Variants in TTC27 observed in about 807,000 individuals in gnomAD.
TTC27 encodes the protein tetratricopeptide repeat domain 27.
Under a neutral mutation model 115.9 loss-of-function variants are expected in TTC27, and 79 were observed. That is an observed-to-expected ratio of 0.68 (90% CI 0.57 to 0.82). The LOEUF is 0.82. TTC27 is among the 40% of genes least tolerant of loss of function. TTC27 has a pLI of 0.00. For synonymous variants in TTC27, 401 were observed against 356.0 expected, an observed-to-expected ratio of 1.13 and a Z score of -1.42; for missense variants, 1,054 against 993.1, an observed-to-expected ratio of 1.06 and a Z score of -0.82.
chr2:32,809,855 A>G (rs1249662844), intron 16 of TTC27, among the ~76,000 whole-genome samples: 2 of 152,234 alleles, frequency 1.3e-5, no homozygotes, highest in African/African-American at 2.4e-5. Flanking sequence ...GCAGTGGCTC[A>G]TGCCTGTAAT....
chr2:32,769,387 A>G (rs1669751783), intron 13 of TTC27, among the ~76,000 whole-genome samples: 2 of 152,246 alleles, frequency 1.3e-5, no homozygotes, highest in South Asian at 4.1e-4. Context: ...TCAGGAGAGT[A>G]AAGGGTGAGT....
At chr2:32,707,152 A>G (rs1667401590) in intron 10 of TTC27, among the ~76,000 whole-genome samples, 1 of 152,098 alleles carries the variant, frequency 6.6e-6, no homozygotes, top group Admixed American at 6.5e-5. Flanking sequence ...TCATTGTTTT[A>G]GTCTATTTTC....
chr2:32,665,617 A>C (rs1665743677), intron 6 of TTC27, among the ~76,000 whole-genome samples: 1 of 152,170 alleles, frequency 6.6e-6, no homozygotes, highest in Non-Finnish European at 1.5e-5. Context: ...AAACTGTGAC[A>C]GGTGCTGTGA....
chr2:32,806,291 A>G (rs9308929), intron 16 of TTC27, among the ~76,000 whole-genome samples: 65,711 of 152,006 alleles, frequency 0.43, 14,900 homozygotes, highest in South Asian at 0.62. Flanking sequence ...AGACTACCCA[A>G]GAGGAAATTG....
intron 8 of TTC27, 72 bp from the exon 9 acceptor site, chr2:32,678,784 T>C (rs1666317011): frequency 8.2e-7 from 1 of 1,221,876 alleles, no homozygotes; most frequent in South Asian, 1.4e-5. Context: ...TTACTTTGCT[T>C]TTTAAAAATT....
intron 19 of TTC27, among the ~76,000 whole-genome samples, chr2:32,819,940 C>T (rs995311540): frequency 2.0e-5 from 3 of 152,306 alleles, no homozygotes; most frequent in South Asian, 2.1e-4. Flanking sequence ...AGTTTAAAAA[C>T]GCACACACAA....
intron 10 of TTC27, among the ~76,000 whole-genome samples, chr2:32,723,319 T>C (rs751224130): frequency 2.0e-5 from 3 of 152,136 alleles, no homozygotes; most frequent in Non-Finnish European, 4.4e-5. Flanking sequence ...TGAACATATG[T>C]ACCAGCTCTT....
intron 13 of TTC27, among the ~76,000 whole-genome samples, chr2:32,761,186 A>G (rs541335181): frequency 6.6e-6 from 1 of 152,146 alleles, no homozygotes; most frequent in East Asian, 1.9e-4. Context: ...CCTCATCCCT[A>G]TAAATAGCAA....
intron 16 of TTC27, among the ~76,000 whole-genome samples, chr2:32,798,672 T>A (rs1670805426): frequency 7.0e-6 from 1 of 142,434 alleles, no homozygotes; most frequent in South Asian, 2.2e-4. Context: ...ACCACTGCAC[T>A]CCAGCCTGGG....
chr2:32,634,952 C>T (rs560251784), intron 3 of TTC27, among the ~76,000 whole-genome samples: 12 of 152,272 alleles, frequency 7.9e-5, no homozygotes, highest in East Asian at 3.9e-4. Context: ...CCACCATTCC[C>T]GGCTTGCAGG....
At chr2:32,818,536 A>G (rs925296554) in intron 19 of TTC27, among the ~76,000 whole-genome samples, 3 of 152,192 alleles carry the variant, frequency 2.0e-5, no homozygotes, top group Non-Finnish European at 2.9e-5. Context: ...CTTGGGCTCT[A>G]TCTGTGACCG....
At chr2:32,815,447 C>G in intron 18 of TTC27, among the ~76,000 whole-genome samples, 1 of 151,702 alleles carries the variant, frequency 6.6e-6, no homozygotes, top group Non-Finnish European at 1.5e-5. Flanking sequence ...CCGTGTTAGC[C>G]AGAATGGTCT....
At chr2:32,727,832 A>G (rs1049210074) in intron 10 of TTC27, among the ~76,000 whole-genome samples, 4 of 152,102 alleles carry the variant, frequency 2.6e-5, no homozygotes, top group African/African-American at 7.2e-5. Context: ...TGAATTAATG[A>G]ACATTTAAAT....
chr2:32,704,399 G>A (rs1167195310), intron 10 of TTC27, among the ~76,000 whole-genome samples: 8 of 151,998 alleles, frequency 5.3e-5, no homozygotes, highest in African/African-American at 1.9e-4. Flanking sequence ...TGTTGGTTAG[G>A]CTGCTCTTGA....
chr2:32,815,075 G>A (rs2148050627), intron 18 of TTC27, among the ~76,000 whole-genome samples: 1 of 152,106 alleles, frequency 6.6e-6, no homozygotes, highest in South Asian at 2.1e-4. Flanking sequence ...TGTATTGTCT[G>A]GAAGGTATAC....
At chr2:32,706,175 T>C (rs1224974664) in intron 10 of TTC27, among the ~76,000 whole-genome samples, 1 of 134,944 alleles carries the variant, frequency 7.4e-6, no homozygotes, top group Non-Finnish European at 1.5e-5. Context: ...CTCTGCTCCC[T>C]GGGTTCAAAC....
intron 10 of TTC27, among the ~76,000 whole-genome samples, chr2:32,707,992 A>T (rs1478387692): frequency 6.6e-6 from 1 of 152,182 alleles, no homozygotes; most frequent in African/African-American, 2.4e-5. Context: ...GGTATGTCAA[A>T]AGGACACAGT....
Position 32,776,510 on chromosome 2 carries a change from A to G in TTC27, c.1681-1372A>G, listed in dbSNP as rs149828095. The stretch of plus-strand genomic sequence containing the variant: ...TAAGAAAGGAGACTTCGATCTGCTT[A>G]TAAAGTTGCCTTTGCTGACTGTTGG... On this transcript the variant is annotated intron_variant, in intron 13 of 19. Coordinates refer to ENST00000317907, the MANE Select transcript of TTC27 (RefSeq NM_017735.5). 1.6e-3 allele frequency among the ~76,000 whole-genome samples: 238 copies of G among 152,360 alleles called. 2 individuals carry two copies. Among genetic ancestry groups the G allele is most frequent in the African/African-American group, 5.5e-3 (227 of 41,582 alleles).
intron 10 of TTC27, among the ~76,000 whole-genome samples, chr2:32,728,911 T>C (rs1668200463): frequency 6.6e-6 from 1 of 152,204 alleles, no homozygotes; most frequent in Admixed American, 6.5e-5. Context: ...TACAGCTGAA[T>C]TGACTGCAGA....
Sources: gnomAD v4.1 joint callset for allele counts (sites outside exome capture counted in the v4.1 genomes callset) on GRCh38, gnomAD v4.1.1 for gene constraint, MANE v1.5 for transcripts, NCBI Gene and HGNC (gene_info 2026-07-23, HGNC 2026-07-21) for gene names.